Variants in NR3C2 observed in about 807,000 individuals in gnomAD.
NR3C2 encodes the protein nuclear receptor subfamily 3 group C member 2.
NR3C2 carries 15 observed loss-of-function variants against 86.4 expected under a neutral mutation model. That is an observed-to-expected ratio of 0.17 (90% CI 0.12 to 0.27). The LOEUF is 0.27. Among genes scored for constraint, NR3C2 ranks in the 10% least tolerant of loss-of-function variants. The pLI is 1.00. For missense variants in NR3C2, 960 were observed against 1,195.6 expected (o/e 0.80, Z 2.91); for synonymous variants, 458 against 450.5 (o/e 1.02, Z -0.21).
intron 3 of NR3C2, among the ~76,000 whole-genome samples, chr4:148,230,632 T>C (rs1449690739): frequency 2.0e-5 from 3 of 152,230 alleles, no homozygotes; most frequent in Non-Finnish European, 4.4e-5. Context: ...TTTGAAAAAT[T>C]ATAGGCAAAG....
chr4:148,097,778 A>G (rs1240045872), intron 8 of NR3C2, among the ~76,000 whole-genome samples: 5 of 134,760 alleles, frequency 3.7e-5, no homozygotes, highest in Non-Finnish European at 7.7e-5. Context: ...TAAGCTCATC[A>G]GCTGTCGCTA....
chr4:148,123,643 T>A (rs1284466830), intron 6 of NR3C2, among the ~76,000 whole-genome samples: 6 of 152,260 alleles, frequency 3.9e-5, no homozygotes, highest in Admixed American at 6.5e-5. Context: ...TGTCTCTTTA[T>A]TTCTCAGCTG....
At chr4:148,275,619 G>A (rs1390158627) in intron 2 of NR3C2, among the ~76,000 whole-genome samples, 4 of 151,990 alleles carry the variant, frequency 2.6e-5, no homozygotes, top group Non-Finnish European at 5.9e-5. Flanking sequence ...TAATACAGAC[G>A]GGGTTTCACC....
Position 148,258,736 on chromosome 4 carries a change from C to T in NR3C2, c.1897+1242G>A, listed in dbSNP as rs117279884. On this transcript the variant is annotated intron_variant, in intron 3 of 8. Coordinates refer to ENST00000358102, the MANE Select transcript of NR3C2 (RefSeq NM_000901.5). ...GAACAAAACCAAGCGACTGAGCGAG[C>T]GGGATTGAGTTCTAACGACCTGGCT... 3.8e-3 allele frequency among the ~76,000 whole-genome samples: 580 copies of T among 152,312 alleles called. 2 individuals carry two copies. Among genetic ancestry groups the T allele is most frequent in the East Asian group, 0.012 (64 of 5,178 alleles).
chr4:148,440,651 G>C (rs1282247828), intron 1 of NR3C2, among the ~76,000 whole-genome samples: 1 of 152,172 alleles, frequency 6.6e-6, no homozygotes, highest in Non-Finnish European at 1.5e-5. Context: ...TTCACTAAAG[G>C]AAAAGCACTG....
At chr4:148,198,782 A>G (rs1333126769) in intron 3 of NR3C2, among the ~76,000 whole-genome samples, 1 of 151,890 alleles carries the variant, frequency 6.6e-6, no homozygotes, top group African/African-American at 2.4e-5. Flanking sequence ...TTGTTAGCTC[A>G]CTTAAAAAAA....
intron 2 of NR3C2, among the ~76,000 whole-genome samples, chr4:148,325,524 T>A (rs1743918831): frequency 6.6e-6 from 1 of 150,944 alleles, no homozygotes. Context: ...ATTACATTAA[T>A]GTGCAGTAAC....
intron 2 of NR3C2, among the ~76,000 whole-genome samples, chr4:148,378,410 T>TGA (rs1746787703): frequency 6.6e-6 from 1 of 151,692 alleles, no homozygotes; most frequent in African/African-American, 2.4e-5. Context: ...CACCCTGCAC[T>TGA]GAATTGGTTT....
chr4:148,398,056 T>A (rs1164100173), intron 2 of NR3C2, among the ~76,000 whole-genome samples: 2 of 152,268 alleles, frequency 1.3e-5, no homozygotes, highest in East Asian at 3.9e-4. Context: ...GTCATATGGT[T>A]TCCCCTGTGT....
chr4:148,308,338 T>G (rs1300218670), intron 2 of NR3C2, among the ~76,000 whole-genome samples: 2 of 152,210 alleles, frequency 1.3e-5, no homozygotes, highest in Non-Finnish European at 2.9e-5. Context: ...CATTTTGAAT[T>G]CTAGCAATAT....
At chr4:148,277,959 C>T (rs1372924928) in intron 2 of NR3C2, among the ~76,000 whole-genome samples, 1 of 152,198 alleles carries the variant, frequency 6.6e-6, no homozygotes, top group Non-Finnish European at 1.5e-5. Context: ...TCCAGGGAAA[C>T]AACATGTATT....
rs1302416340 is a variant in NR3C2 at position 148,274,922 on chromosome 4, T to G, written c.1758-14805A>C. 5.9e-5 allele frequency among the ~76,000 whole-genome samples: 9 copies of G among 152,204 alleles called. No individual in the cohort carries two copies. The South Asian group carries it at 1.7e-3, about 28-fold the overall frequency. ...CATGTTAGCTAGGCTGGTCTCGAAC[T>G]CCTGACCTCAGGTGATCCACTTGCC... On this transcript the variant is annotated intron_variant, in intron 2 of 8. Coordinates refer to ENST00000358102, the MANE Select transcript of NR3C2 (RefSeq NM_000901.5).
At chr4:148,230,068 C>G (rs9995733) in intron 3 of NR3C2, among the ~76,000 whole-genome samples, 145,574 of 152,296 alleles carry the variant, frequency 0.96, 69,907 homozygotes, top group East Asian at 1. Context: ...TTAATTGGGA[C>G]AATTCTCTCT....
chr4:148,275,917 T>C (rs1740938627), intron 2 of NR3C2, among the ~76,000 whole-genome samples: 1 of 152,150 alleles, frequency 6.6e-6, no homozygotes, highest in African/African-American at 2.4e-5. Context: ...AGGGTTTTTT[T>C]TAAAACAAAC....
At chr4:148,263,980 C>T (rs2149876336) in intron 2 of NR3C2, among the ~76,000 whole-genome samples, 1 of 152,222 alleles carries the variant, frequency 6.6e-6, no homozygotes, top group East Asian at 1.9e-4. Context: ...CGCCTTTAGC[C>T]CAGTGTTGGT....
intron 3 of NR3C2, among the ~76,000 whole-genome samples, chr4:148,214,660 A>C (rs1041738577): frequency 3.3e-5 from 5 of 152,090 alleles, no homozygotes; most frequent in African/African-American, 1.2e-4. Context: ...GAGATGATGA[A>C]ATGAGTGAGG....
intron 2 of NR3C2, among the ~76,000 whole-genome samples, chr4:148,283,259 A>G (rs1303567318): frequency 6.6e-6 from 1 of 152,222 alleles, no homozygotes; most frequent in East Asian, 1.9e-4. Context: ...AACTGAATGG[A>G]TCAGGAAAAA....
In NR3C2 at chr4:148,152,449, G is replaced by T. The variant is rs757350412; in HGVS notation, c.2510+20C>A. ...TAACTCTGCAGTTTATTTTATGAAG[G>T]CTAATTAATAGGTACTTACTCATTA... On this transcript the variant is annotated intron_variant, in intron 6 of 8. Coordinates refer to ENST00000358102, the MANE Select transcript of NR3C2 (RefSeq NM_000901.5). 6 of 1,610,142 alleles carry T rather than the reference G, an allele frequency of 3.7e-6. No individual in the cohort carries two copies.
intron 8 of NR3C2, among the ~76,000 whole-genome samples, chr4:148,095,886 T>C (rs1260719995): frequency 6.6e-6 from 1 of 152,192 alleles, no homozygotes; most frequent in Admixed American, 6.5e-5. Context: ...TCCATTAGCA[T>C]CTGATTGTTA....
Sources: allele counts gnomAD v4.1 joint callset (sites outside exome capture counted in the v4.1 genomes callset), GRCh38; gene constraint gnomAD v4.1.1; transcripts MANE v1.5; gene names NCBI Gene and HGNC (gene_info 2026-07-23, HGNC 2026-07-21).